The following MTFR1 variants were observed in gnomAD, a reference collection of about 807,000 sequenced individuals.
MTFR1 encodes mitochondrial fission regulator 1.
MTFR1 carries 28 observed loss-of-function variants against 38.8 expected under a neutral mutation model. The ratio of observed to expected loss-of-function variants is 0.72; its 90% confidence interval spans 0.53 to 0.99. The LOEUF is 0.99. Ranked by LOEUF, MTFR1 falls within the 50% of genes least tolerant of loss-of-function variation. The pLI is 0.00. For synonymous variants in MTFR1, 145 were observed against 137.0 expected (o/e 1.06, Z -0.41); for missense variants, 358 against 395.5 (o/e 0.91, Z 0.81).
chr8:65,685,899 G>T (rs183813557), intron 3 of MTFR1, among the ~76,000 whole-genome samples: 32 of 152,338 alleles, frequency 2.1e-4, no homozygotes, highest in African/African-American at 6.5e-4. Flanking sequence ...GCTCTACAGG[G>T]TTGAGGAGAC....
intron 3 of MTFR1, chr8:65,682,695 A>G: frequency 1.1e-6 from 1 of 872,156 alleles, no homozygotes; most frequent in Non-Finnish European, 1.4e-6. Context: ...TTAGGAGCAT[A>G]TAATAAGCTA....
chr8:65,696,506 C>T (rs932000185), intron 4 of MTFR1, among the ~76,000 whole-genome samples: 1 of 152,130 alleles, frequency 6.6e-6, no homozygotes, highest in Non-Finnish European at 1.5e-5. Context: ...TTCCATGCTA[C>T]AGAGATCCTC....
At chr8:65,778,249 T>C in the MTFR1 span, among the ~76,000 whole-genome samples, 2 of 152,186 alleles carry the variant, frequency 1.3e-5, no homozygotes, top group Non-Finnish European at 2.9e-5. Flanking sequence ...ACACTTCCTC[T>C]TTCTTGAAAT....
chr8:65,732,922 C>G lies in MTFR1; in HGVS notation c.*48+13441C>G, dbSNP rs1320127712. 2.0e-5 allele frequency among the ~76,000 whole-genome samples: 3 copies of G among 152,044 alleles called. No homozygotes were observed. In the East Asian group the frequency reaches 5.8e-4, roughly 29 times the overall value. On this transcript the variant is annotated intron_variant, in intron 3 of 3. Coordinates refer to the MTFR1 transcript ENST00000521247. ...ATGAGGTCTTGCTATGTTGACCAGGCTGGTCTCAAACTCCTGGGCTCAAGC... is the reference window on the plus strand; with the variant it reads ...ATGAGGTCTTGCTATGTTGACCAGGGTGGTCTCAAACTCCTGGGCTCAAGC...
intron 2 of MTFR1, 196 bp from the exon 3 acceptor site, chr8:65,682,157 T>C: frequency 3.9e-6 from 1 of 257,894 alleles, no homozygotes; most frequent in Non-Finnish European, 7.2e-6. Context: ...ATTGAATTAA[T>C]AATATCTATC....
chr8:65,763,672 C>T lies in MTFR1; in HGVS notation c.*49-7275C>T, dbSNP rs561598547. Among the ~76,000 whole-genome samples, 6 of 152,304 alleles carry T rather than the reference C, an allele frequency of 3.9e-5. 1 individual carries two copies. The South Asian group carries it at 8.3e-4, about 21-fold the overall frequency. On this transcript the variant is annotated intron_variant, in intron 3 of 3. Transcript: ENST00000521247. ...GATCCCTCTTATGCTGAAACTCAGA[C>T]GCTGAACATAGCATAGCTCCTCAGT...
intron 3 of MTFR1, among the ~76,000 whole-genome samples, chr8:65,737,064 T>C (rs1807171243): frequency 6.6e-6 from 1 of 151,776 alleles, no homozygotes; most frequent in Non-Finnish European, 1.5e-5. Context: ...GCCATGATCA[T>C]GCCACTGCAT....
In MTFR1 at chr8:65,662,636, A is replaced by G. The variant is rs191080445; in HGVS notation, c.-80-7237A>G. Among the ~76,000 whole-genome samples, 195 of 103,586 alleles carry G rather than the reference A, an allele frequency of 1.9e-3. 2 individuals are homozygous for G. Among genetic ancestry groups the G allele is most frequent in the Non-Finnish European group, 2.5e-3 (115 of 45,748 alleles). 68.0% of individuals were successfully genotyped at this position (103,586 alleles called of 152,430 possible). On this transcript the variant is annotated intron_variant, in intron 1 of 7. Transcript: ENST00000262146. ...AGGAGCGTCTCTGCCCGGCCGCCCC[A>G]TCTGAGAAGTGAGGAGACCCTCTGC... is the stretch of plus-strand genomic sequence containing the variant.
intron 7 of MTFR1, chr8:65,708,259 TAGAAGA>T (rs1443417437): frequency 1.4e-6 from 1 of 711,554 alleles, no homozygotes; most frequent in East Asian, 3.3e-5. Flanking sequence ...TTGAAACTTG[TAGAAGA>T]GCAGAAAGAA....
intron 3 of MTFR1, among the ~76,000 whole-genome samples, chr8:65,749,725 C>T (rs1807847722): frequency 6.6e-6 from 1 of 152,170 alleles, no homozygotes; most frequent in Non-Finnish European, 1.5e-5. Context: ...AAATAACTTT[C>T]CTAAGGTCAC....
chr8:65,698,154 C>CT (rs201836617), intron 4 of MTFR1, among the ~76,000 whole-genome samples: 9,896 of 128,458 alleles, frequency 0.077, 1,175 homozygotes, highest in East Asian at 0.53. Flanking sequence ...TTTTTTTTTT[C>CT]TTTTTTTTTT....
At chr8:65,699,716 C>A (rs577552213) in intron 4 of MTFR1, among the ~76,000 whole-genome samples, 1 of 152,304 alleles carries the variant, frequency 6.6e-6, no homozygotes, top group South Asian at 2.1e-4. Context: ...GTGGGAGCCG[C>A]AAGTTAGTCC....
intron 4 of MTFR1, among the ~76,000 whole-genome samples, chr8:65,704,279 A>T (rs1805713042): frequency 6.6e-6 from 1 of 152,106 alleles, no homozygotes; most frequent in African/African-American, 2.4e-5. Flanking sequence ...TCAGTAAAAA[A>T]AGCAAAAAGA....
At chr8:65,668,557 C>G (rs1804465253) in intron 1 of MTFR1, among the ~76,000 whole-genome samples, 1 of 132,434 alleles carries the variant, frequency 7.6e-6, no homozygotes, top group Non-Finnish European at 1.6e-5. Flanking sequence ...CGGAGTCACT[C>G]TGTTGCCCAG....
chr8:65,739,481 T>C, intron 3 of MTFR1: 2 of 1,535,130 alleles, frequency 1.3e-6, no homozygotes, highest in Non-Finnish European at 1.7e-6. Context: ...TTGTTACTGT[T>C]AATGGGTTAG....
chr8:65,705,023 G>C (rs1805739954), intron 5 of MTFR1, 94 bp downstream of exon 5: 2 of 1,124,256 alleles, frequency 1.8e-6, no homozygotes, highest in Non-Finnish European at 2.6e-6. Flanking sequence ...AGCTATTGGG[G>C]TTCTTAGAAA....
At chr8:65,710,986 T>TAG (rs1291314785), downstream of MTFR1, among the ~76,000 whole-genome samples, 1 of 147,594 alleles carries the variant, frequency 6.8e-6, no homozygotes, top group East Asian at 1.9e-4. Flanking sequence ...CTCATATATA[T>TAG]ATATAGAGAG....
At chr8:65,776,139 A>AT (rs1215369097), downstream of MTFR1, among the ~76,000 whole-genome samples, 11 of 152,024 alleles carry the variant, frequency 7.2e-5, no homozygotes, top group African/African-American at 1.4e-4. Flanking sequence ...CCAAAATTTG[A>AT]TTTTTTTTAA....
chr8:65,671,959 C>T (rs986212750), intron 2 of MTFR1, among the ~76,000 whole-genome samples: 9 of 152,180 alleles, frequency 5.9e-5, no homozygotes, highest in Non-Finnish European at 1.2e-4. Flanking sequence ...CAGCCTCCCA[C>T]CCCAAGACAG....
Sources: gnomAD v4.1 joint callset for allele counts (sites outside exome capture counted in the v4.1 genomes callset) on GRCh38, gnomAD v4.1.1 for gene constraint, MANE v1.5 for transcripts, NCBI Gene and HGNC (gene_info 2026-07-23, HGNC 2026-07-21) for gene names.